Variants in PAPSS2 observed in about 807,000 individuals in gnomAD.
The protein encoded by PAPSS2 is 3'-phosphoadenosine 5'-phosphosulfate synthase 2.
Under a neutral mutation model 66.5 loss-of-function variants are expected in PAPSS2, and 61 were observed. That is an observed-to-expected ratio of 0.92 (90% CI 0.75 to 1.14). The LOEUF (loss-of-function observed/expected upper bound fraction) is 1.14, where lower values mean the gene tolerates loss of function less well. PAPSS2 is among the 50% of genes most tolerant of loss of function. The probability of loss-of-function intolerance (pLI) is 0.00; values close to 1 mark genes in which losing one functional copy is unlikely to be tolerated. For synonymous variants in PAPSS2, 289 were observed against 287.5 expected (o/e 1.01, Z -0.05); for missense variants, 708 against 789.6 (o/e 0.90, Z 1.24).
chr10:87,706,044 T>A (rs1352704902), intron 1 of PAPSS2, among the ~76,000 whole-genome samples: 3 of 146,372 alleles, frequency 2.0e-5, no homozygotes, highest in Non-Finnish European at 4.5e-5. Flanking sequence ...GTTGTCTTTT[T>A]ATTACTGAGT....
chr10:87,698,079 A>T (rs1015996270), intron 1 of PAPSS2, among the ~76,000 whole-genome samples: 3 of 152,362 alleles, frequency 2.0e-5, no homozygotes, highest in Middle Eastern at 3.4e-3. Context: ...TTTTAAAAAG[A>T]TGCCGTAAGT....
rs1853960804 is a variant in PAPSS2, at chr10:87,747,646, A to G, written c.*1676A>G. On this transcript the variant is annotated 3_prime_UTR_variant, in exon 13 of 13. Transcript: ENST00000456849. The stretch of plus-strand genomic sequence containing the variant: ...TGCTCTAGTACCATGCTTAGTGCAA[A>G]TGATTATTTCTATGTACAACTGATG... The G allele has an allele frequency of 6.6e-6, 1 of 152,306 alleles. No individual in the cohort carries two copies. Among genetic ancestry groups the G allele is most frequent in the Non-Finnish European group, 1.5e-5 (1 of 67,752 alleles). The allele number at this position is 152,306 out of a possible 1,614,324, so 9.4% of individuals were successfully genotyped here. A position where few individuals can be genotyped will look rare whatever the true frequency, so the allele number is the denominator to read the frequency against.
rs606231241 is a variant in PAPSS2, at chr10:87,713,265, T to TG, written c.337dup (p.Ala113GlyfsTer18). On this transcript the variant is annotated frameshift_variant, in exon 3 of 13. Transcript: ENST00000456849. LOFTEE classifies it high-confidence loss of function. ...CTGAGGTGGCTAAGCTGTTTGCTGA[T>TG]GCTGGTCTGGTCTGCATTACCAGCT... is the stretch of plus-strand genomic sequence containing the variant. 1 of 1,592,680 alleles carries TG rather than the reference T, an allele frequency of 6.3e-7. No individual in the cohort carries two copies. Among genetic ancestry groups the TG allele is most frequent in the Non-Finnish European group, 8.5e-7 (1 of 1,172,060 alleles).
chr10:87,701,290 TTC>T (rs1853302903), intron 1 of PAPSS2, among the ~76,000 whole-genome samples: 1 of 151,098 alleles, frequency 6.6e-6, no homozygotes, highest in African/African-American at 2.4e-5. Context: ...TTTTCTTTCT[TTC>T]TTTCTTTTTT....
At chr10:87,696,623 T>C (rs1351453553) in intron 1 of PAPSS2, among the ~76,000 whole-genome samples, 2 of 152,258 alleles carry the variant, frequency 1.3e-5, no homozygotes, top group South Asian at 2.1e-4. Flanking sequence ...CTTTATTTCA[T>C]GATATGCTTA....
rs968724424 is a variant in PAPSS2 at position 87,683,042 on chromosome 10, CTTTCTT to C, written c.27+23050_27+23055del. Among the ~76,000 whole-genome samples the C allele has an allele frequency of 3.2e-4, 49 of 151,426 alleles. No homozygotes were observed. The East Asian group carries it at 8.0e-3, about 25-fold the overall frequency. On this transcript the variant is annotated intron_variant, in intron 1 of 12. Coordinates refer to ENST00000456849, the MANE Select transcript of PAPSS2 (RefSeq NM_001015880.2). ...GAACCACTTGAGTTCACAACTATTT[CTTTCTT>C]TTTCTTTTTCTTTTTTTTCTTTTTT...
intron 9 of PAPSS2, among the ~76,000 whole-genome samples, chr10:87,731,881 G>C (rs1853734016): frequency 6.6e-6 from 1 of 152,186 alleles, no homozygotes; most frequent in Admixed American, 6.5e-5. Flanking sequence ...TCTACTCCTG[G>C]TGAAGATTCT....
intron 1 of PAPSS2, among the ~76,000 whole-genome samples, chr10:87,703,502 C>T (rs1853344474): frequency 6.6e-6 from 1 of 152,144 alleles, no homozygotes; most frequent in African/African-American, 2.4e-5. Flanking sequence ...AACATCCTAC[C>T]ATGAGTCTGG....
intron 9 of PAPSS2, among the ~76,000 whole-genome samples, chr10:87,727,948 G>A (rs1853680994): frequency 6.6e-6 from 1 of 152,146 alleles, no homozygotes; most frequent in African/African-American, 2.4e-5. Flanking sequence ...TAGTGAGGGG[G>A]TCAATGATAC....
rs186642282 is a variant in PAPSS2, at chr10:87,708,485, C to G, written c.28-711C>G. The stretch of plus-strand genomic sequence containing the variant: ...CACTGCGATCTGGGCCTTTCTCTGG[C>G]TCTATAGGGACTGGGGATCAACCAC... On this transcript the variant is annotated intron_variant, in intron 1 of 12. Coordinates refer to ENST00000456849, the MANE Select transcript of PAPSS2 (RefSeq NM_001015880.2). 3.8e-3 allele frequency among the ~76,000 whole-genome samples: 582 copies of G among 152,278 alleles called. 2 individuals are homozygous for G. Among genetic ancestry groups the G allele is most frequent in the Non-Finnish European group, 6.5e-3 (441 of 68,024 alleles).
intron 9 of PAPSS2, among the ~76,000 whole-genome samples, chr10:87,737,765 G>A (rs1853818748): frequency 6.6e-6 from 1 of 152,166 alleles, no homozygotes; most frequent in African/African-American, 2.4e-5. Context: ...AGAGGCTGCA[G>A]TGAGCTACTG....
chr10:87,744,498 C>T (rs1853912168), intron 11 of PAPSS2, among the ~76,000 whole-genome samples: 1 of 152,186 alleles, frequency 6.6e-6, no homozygotes, highest in Non-Finnish European at 1.5e-5. Flanking sequence ...ATAAAAGTTC[C>T]AGGCCCCTAG....
intron 1 of PAPSS2, among the ~76,000 whole-genome samples, chr10:87,660,717 T>C (rs1158446796): frequency 2.5e-4 from 38 of 150,142 alleles, no homozygotes; most frequent in Admixed American, 2.5e-3. Context: ...AAGAGAAAAG[T>C]TTCTTTCCCA....
chr10:87,721,796 C>T (rs1853601884), intron 8 of PAPSS2, 26 bp downstream of exon 8: 3 of 1,323,918 alleles, frequency 2.3e-6, no homozygotes, highest in Middle Eastern at 1.9e-4. Flanking sequence ...TTCCAAGTAG[C>T]TAAATTATTA....
chr10:87,661,196 A>T (rs769135119), intron 1 of PAPSS2: 2 of 375,470 alleles, frequency 5.3e-6, no homozygotes, highest in African/African-American at 4.2e-5. Context: ...TGGAGGGGCC[A>T]TGCAGGGCTA....
At chr10:87,719,201 G>C (rs779055956) in intron 7 of PAPSS2, among the ~76,000 whole-genome samples, 2 of 152,116 alleles carry the variant, frequency 1.3e-5, no homozygotes, top group African/African-American at 4.8e-5. Flanking sequence ...AGTTACTTTG[G>C]GTCTAAGTAG....
chr10:87,717,861 T>C (rs1354876955), intron 7 of PAPSS2, among the ~76,000 whole-genome samples: 8 of 152,158 alleles, frequency 5.3e-5, no homozygotes, highest in African/African-American at 1.9e-4. Context: ...AAAGTGCTAT[T>C]ATAGACAACA....
At position 87,723,312 on chromosome 10, in the gene PAPSS2, A is replaced by G. The variant is rs773793552; in HGVS notation, c.880+1542A>G. Reference sequence around the variant, plus strand: ...GCCTCTCTCCCTTTTCCTCAACTAGACTATGCAGTGGATTTAATCATCTTC... The same window carrying G: ...GCCTCTCTCCCTTTTCCTCAACTAGGCTATGCAGTGGATTTAATCATCTTC... On this transcript the variant is annotated intron_variant, in intron 8 of 12. Coordinates refer to ENST00000456849, the MANE Select transcript of PAPSS2 (RefSeq NM_001015880.2). Among the ~76,000 whole-genome samples the G allele has an allele frequency of 3.3e-4, 51 of 152,288 alleles. No homozygotes were observed. In the Middle Eastern group the frequency reaches 0.014, roughly 41 times the overall value.
Position 87,745,170 on chromosome 10 carries a change from C to T in PAPSS2, c.1660C>T (p.Pro554Ser), listed in dbSNP as rs748081884. 2 of 1,613,988 alleles carry T rather than the reference C, an allele frequency of 1.2e-6. No homozygotes were observed. Among genetic ancestry groups the T allele is most frequent in the Admixed American group, 1.7e-5 (1 of 60,010 alleles). ...TGGCCTCACCTCTGTGGAAATCATT[C>T]CATTCCGAGTGGCTGCCTACAACAA... ...APGLTSVEII[P>S]FRVAAYNKAK... is the part of the protein sequence containing the mutation. Residue 554 changes from proline to serine, a missense_variant, in exon 12 of 13, where the codon CCA becomes TCA. Physicochemically the swap from Pro to Ser is moderately conservative, Grantham distance 74 (BLOSUM62 -1). Coordinates refer to ENST00000456849, the MANE Select transcript of PAPSS2 (RefSeq NM_001015880.2).
Sources: gnomAD v4.1 joint callset for allele counts (sites outside exome capture counted in the v4.1 genomes callset) on GRCh38, gnomAD v4.1.1 for gene constraint, MANE v1.5 for transcripts, NCBI Gene and HGNC (gene_info 2026-07-23, HGNC 2026-07-21) for gene names.